Variants in EYA4 observed in about 807,000 individuals in gnomAD.
The protein encoded by EYA4 is EYA transcriptional coactivator and phosphatase 4.
Under a neutral mutation model 87.9 loss-of-function variants are expected in EYA4, and 31 were observed. The ratio of observed to expected loss-of-function variants is 0.35; its 90% CI spans 0.27 to 0.48. The LOEUF (loss-of-function observed/expected upper bound fraction) is 0.48, where lower values mean the gene tolerates loss of function less well. Ranked by LOEUF, EYA4 falls within the 20% of genes least tolerant of loss-of-function variation. The pLI, the probability that EYA4 is intolerant of heterozygous loss-of-function variation, is 0.99. For synonymous variants in EYA4, 263 were observed against 270.6 expected, an observed-to-expected ratio of 0.97 and a Z score of 0.28; for missense variants, 678 against 761.4, an observed-to-expected ratio of 0.89 and a Z score of 1.29.
chr6:133,369,700 G>C (rs1312747744), intron 2 of EYA4, among the ~76,000 whole-genome samples: 1 of 152,154 alleles, frequency 6.6e-6, no homozygotes, highest in Non-Finnish European at 1.5e-5. Flanking sequence ...ATATTAACTT[G>C]CCATAAAGTG....
intron 2 of EYA4, among the ~76,000 whole-genome samples, chr6:133,284,445 A>T (rs562291733): frequency 6.6e-6 from 1 of 152,312 alleles, no homozygotes; most frequent in South Asian, 2.1e-4. Context: ...AAGTGCTGGG[A>T]TTACAGGCAT....
intron 3 of EYA4, among the ~76,000 whole-genome samples, chr6:133,406,985 G>T (rs1312504364): frequency 2.6e-5 from 4 of 152,058 alleles, no homozygotes; most frequent in Non-Finnish European, 5.9e-5. Flanking sequence ...TAGCTTTTAG[G>T]TTTCAACTAT....
chr6:133,336,741 C>T (rs1782391952), intron 2 of EYA4, among the ~76,000 whole-genome samples: 1 of 152,016 alleles, frequency 6.6e-6, no homozygotes, highest in Non-Finnish European at 1.5e-5. Flanking sequence ...CAACTTATTT[C>T]CAAACGATTT....
At chr6:133,385,391 C>G (rs2056966) in intron 3 of EYA4, among the ~76,000 whole-genome samples, 3,808 of 115,224 alleles carry the variant, frequency 0.033, 213 homozygotes, top group African/African-American at 0.11. Context: ...TATGCTCTCT[C>G]TGTGTGTGTG....
Position 133,529,798 on chromosome 6 carries a change from G to A in EYA4, c.*993G>A. The A allele has an allele frequency of 2.0e-6, 2 of 984,260 alleles. No homozygotes were observed. Among genetic ancestry groups the A allele is most frequent in the South Asian group, 9.4e-5 (2 of 21,262 alleles). 61.0% of individuals were successfully genotyped at this position (984,260 alleles called of 1,614,324 possible). A position where few individuals can be genotyped will look rare whatever the true frequency, so the allele number is the denominator to read the frequency against. ...AGTGAAATGTATGTAGAAGTCTCAA[G>A]TACCCCTTCTACAGTTTTACTGGAG... On this transcript the variant is annotated 3_prime_UTR_variant, in exon 20 of 20. Coordinates refer to ENST00000355286, the MANE Select transcript of EYA4 (RefSeq NM_004100.5).
intron 2 of EYA4, among the ~76,000 whole-genome samples, chr6:133,319,697 TC>T (rs1780914502): frequency 1.3e-5 from 2 of 150,674 alleles, no homozygotes; most frequent in African/African-American, 4.9e-5. Flanking sequence ...ATGTTTTACT[TC>T]TGATTTTTTT....
At chr6:133,344,316 G>A (rs1783038260) in intron 2 of EYA4, among the ~76,000 whole-genome samples, 1 of 152,170 alleles carries the variant, frequency 6.6e-6, no homozygotes. Context: ...AAATATATGT[G>A]ACAAGAGATA....
chr6:133,263,581 A>G (rs372215969), intron 1 of EYA4, among the ~76,000 whole-genome samples: 19 of 152,342 alleles, frequency 1.2e-4, no homozygotes, highest in Middle Eastern at 6.8e-3. Flanking sequence ...ATTTCGTGCA[A>G]CTGGAGAAGA....
At chr6:133,479,268 A>T (rs1384473059) in intron 11 of EYA4, among the ~76,000 whole-genome samples, 1 of 152,160 alleles carries the variant, frequency 6.6e-6, no homozygotes, top group African/African-American at 2.4e-5. Flanking sequence ...GTGAAACATG[A>T]TTTACTATGA....
chr6:133,256,153 C>T (rs1397444813), intron 1 of EYA4, among the ~76,000 whole-genome samples: 1 of 150,974 alleles, frequency 6.6e-6, no homozygotes, highest in Admixed American at 6.6e-5. Context: ...AATCGGAATA[C>T]TCCACTATGA....
chr6:133,406,199 A>G (rs1199497390), intron 3 of EYA4, among the ~76,000 whole-genome samples: 1 of 152,204 alleles, frequency 6.6e-6, no homozygotes, highest in African/African-American at 2.4e-5. Context: ...ATTTTAAGGA[A>G]AGTAAAATCT....
intron 11 of EYA4, among the ~76,000 whole-genome samples, chr6:133,476,791 G>A (rs1035613695): frequency 6.6e-6 from 1 of 152,036 alleles, no homozygotes; most frequent in East Asian, 1.9e-4. Context: ...TGGATCATAT[G>A]GTAGTTCCGT....
intron 3 of EYA4, 22 bp from the exon 4 acceptor site, chr6:133,446,608 C>T (rs2128622741): frequency 2.5e-6 from 4 of 1,613,728 alleles, no homozygotes; most frequent in Non-Finnish European, 3.4e-6. Context: ...CAACTTTTCT[C>T]TGCTGCTTAC....
chr6:133,277,100 T>G (rs1446036243), intron 2 of EYA4, among the ~76,000 whole-genome samples: 1 of 152,312 alleles, frequency 6.6e-6, no homozygotes, highest in African/African-American at 2.4e-5. Context: ...TAGATGAAAG[T>G]GAATTTACTC....
intron 1 of EYA4, among the ~76,000 whole-genome samples, chr6:133,260,193 G>C (rs1775683755): frequency 6.6e-6 from 1 of 151,638 alleles, no homozygotes. Context: ...CTAATTTGTT[G>C]TTGTGGCTAC....
At chr6:133,280,342 A>G (rs1777518424) in intron 2 of EYA4, among the ~76,000 whole-genome samples, 1 of 152,234 alleles carries the variant, frequency 6.6e-6, no homozygotes, top group Non-Finnish European at 1.5e-5. Flanking sequence ...AGTATAATTT[A>G]ATGTTTCATA....
intron 10 of EYA4, among the ~76,000 whole-genome samples, chr6:133,466,407 C>T (rs1794845009): frequency 6.6e-6 from 1 of 152,096 alleles, no homozygotes; most frequent in African/African-American, 2.4e-5. Flanking sequence ...TGTTTTGGCT[C>T]ATACCTATTG....
intron 3 of EYA4, among the ~76,000 whole-genome samples, chr6:133,401,410 C>G (rs66938915): frequency 0.098 from 14,832 of 152,000 alleles, 813 homozygotes; most frequent in East Asian, 0.22. Context: ...TGGAATGTTC[C>G]TAGCATAAAG....
intron 2 of EYA4, among the ~76,000 whole-genome samples, chr6:133,329,325 C>T (rs533589455): frequency 1.3e-5 from 2 of 152,056 alleles, no homozygotes; most frequent in African/African-American, 4.8e-5. Context: ...ACTCCCAGTC[C>T]GTTGAGTAAC....
Sources: gnomAD v4.1 joint callset for allele counts (sites outside exome capture counted in the v4.1 genomes callset) on GRCh38, gnomAD v4.1.1 for gene constraint, MANE v1.5 for transcripts, NCBI Gene and HGNC (gene_info 2026-07-23, HGNC 2026-07-21) for gene names.